The following TMEFF1 variants were observed in gnomAD, a reference collection of about 807,000 sequenced individuals.
TMEFF1 encodes transmembrane protein with EGF like and two follistatin like domains 1, also known as tomoregulin-1.
Under a neutral mutation model 47.5 loss-of-function variants are expected in TMEFF1, and 20 were observed. The ratio of observed to expected loss-of-function variants is 0.42; its 90% CI spans 0.30 to 0.61. The LOEUF (loss-of-function observed/expected upper bound fraction) is 0.61. TMEFF1 is among the 20% of genes least tolerant of loss of function. The probability of loss-of-function intolerance (pLI) is 0.19; values close to 1 mark genes in which losing one functional copy is unlikely to be tolerated. For synonymous variants in TMEFF1, 162 were observed against 166.3 expected (o/e 0.97, Z 0.20); for missense variants, 411 against 471.1 (o/e 0.87, Z 1.18).
chr9:100,532,916 T>A (rs1360468532), intron 5 of TMEFF1, among the ~76,000 whole-genome samples: 3 of 151,952 alleles, frequency 2.0e-5, no homozygotes, highest in Non-Finnish European at 2.9e-5. Context: ...CCATAAAAAA[T>A]GATGAGTTCA....
intron 3 of TMEFF1, among the ~76,000 whole-genome samples, chr9:100,511,332 A>C (rs1007020132): frequency 5.3e-5 from 8 of 152,188 alleles, no homozygotes; most frequent in Non-Finnish European, 1.2e-4. Flanking sequence ...GATTGGGAGC[A>C]CTGTGCTAGG....
chr9:100,559,189 A>T (rs1453729861), intron 7 of TMEFF1, among the ~76,000 whole-genome samples: 1 of 152,198 alleles, frequency 6.6e-6, no homozygotes, highest in Non-Finnish European at 1.5e-5. Context: ...AACAGGCAGT[A>T]TTGTGAGTGT....
At chr9:100,570,313 A>T (rs892794785) in intron 8 of TMEFF1, among the ~76,000 whole-genome samples, 1 of 152,176 alleles carries the variant, frequency 6.6e-6, no homozygotes, top group Non-Finnish European at 1.5e-5. Context: ...AGATTGCTGG[A>T]TCATATGGTA....
chr9:100,474,533 G>A (rs980016720), intron 1 of TMEFF1, among the ~76,000 whole-genome samples: 1 of 152,028 alleles, frequency 6.6e-6, no homozygotes, highest in African/African-American at 2.4e-5. Flanking sequence ...GCCCTATAGC[G>A]AACCCCATTT....
chr9:100,520,699 CAT>C (rs1329484979), intron 5 of TMEFF1, among the ~76,000 whole-genome samples: 1 of 152,168 alleles, frequency 6.6e-6, no homozygotes, highest in Non-Finnish European at 1.5e-5. Flanking sequence ...ATTTTTTACA[CAT>C]AATATATTTT....
At chr9:100,535,959 AT>A (rs1240632256) in intron 5 of TMEFF1, among the ~76,000 whole-genome samples, 5 of 151,928 alleles carry the variant, frequency 3.3e-5, no homozygotes, top group Non-Finnish European at 7.4e-5. Flanking sequence ...TGTTTTTATT[AT>A]ATTACTCCTT....
Position 100,566,432 on chromosome 9 carries a change from G to A in TMEFF1, c.899+4912G>A, listed in dbSNP as rs115382763. On this transcript the variant is annotated intron_variant, in intron 8 of 9. Transcript: ENST00000374879. ...CTCCCTCCCTAAACCTGCTTTACCT[G>A]CCACCTTCTTCATCTCAGTTGATTC... Among the ~76,000 whole-genome samples, 600 of 152,252 alleles carry A rather than the reference G, an allele frequency of 3.9e-3. 5 individuals carry two copies. The highest frequency in any genetic ancestry group is 0.014 in the African/African-American group (562 of 41,550).
At chr9:100,518,508 A>G in intron 5 of TMEFF1, 1 of 985,482 alleles carries the variant, frequency 1.0e-6, no homozygotes, top group Non-Finnish European at 1.2e-6. Flanking sequence ...CAGCAGGCTA[A>G]GGAGCACATA....
intron 7 of TMEFF1, among the ~76,000 whole-genome samples, chr9:100,557,944 T>C (rs563316319): frequency 6.6e-6 from 1 of 152,214 alleles, no homozygotes; most frequent in Non-Finnish European, 1.5e-5. Context: ...AATATTAGAC[T>C]CTGTGAATTC....
intron 1 of TMEFF1, among the ~76,000 whole-genome samples, chr9:100,477,831 T>C (rs1837264711): frequency 6.6e-6 from 1 of 152,122 alleles, no homozygotes; most frequent in South Asian, 2.1e-4. Flanking sequence ...TTCACTGTGT[T>C]GCCCATTCTG....
chr9:100,543,514 G>T (rs1276361197), intron 5 of TMEFF1, among the ~76,000 whole-genome samples: 1 of 151,864 alleles, frequency 6.6e-6, no homozygotes, highest in Non-Finnish European at 1.5e-5. Context: ...TCTCAGAATT[G>T]TATCTGTGGA....
intron 1 of TMEFF1, among the ~76,000 whole-genome samples, chr9:100,491,134 G>A (rs1002635300): frequency 4.0e-5 from 6 of 151,714 alleles, no homozygotes; most frequent in Non-Finnish European, 7.4e-5. Flanking sequence ...TTCCATAGTT[G>A]TACCACACCA....
rs1439319163 is a variant in TMEFF1, at chr9:100,473,611, T to C, written c.67T>C (p.Tyr23His). The C allele has an allele frequency of 6.4e-7, 1 of 1,558,832 alleles. No homozygotes were observed. The highest frequency in any genetic ancestry group is 1.4e-5 in the African/African-American group (1 of 72,914). The change falls in exon 1 of 10, where the codon TAC becomes CAC. Residue 23 changes from tyrosine to histidine, a missense_variant. Transcript: ENST00000374879. The surrounding 1 kb of genome is among the most constrained non-coding windows in gnomAD (Gnocchi z 5.4). ...PAAPPLAFCC[Y>H]TSVLLLFAFS... ...CGCGCCTCCGCTCGCCTTCTGCTGC[T>C]ACACGTCGGTGCTTCTGCTCTTCGC...
At chr9:100,486,522 G>A (rs570129895) in intron 1 of TMEFF1, among the ~76,000 whole-genome samples, 2 of 152,304 alleles carry the variant, frequency 1.3e-5, no homozygotes, top group Admixed American at 6.5e-5. Flanking sequence ...GATTACAGGC[G>A]TGAGCCACAG....
At chr9:100,569,358 A>G (rs1398459453) in intron 8 of TMEFF1, among the ~76,000 whole-genome samples, 1 of 152,154 alleles carries the variant, frequency 6.6e-6, no homozygotes, top group Non-Finnish European at 1.5e-5. Flanking sequence ...CTCTGGAGAA[A>G]TGTCAGTACA....
At chr9:100,529,547 C>T (rs1459512244) in intron 5 of TMEFF1, among the ~76,000 whole-genome samples, 2 of 151,142 alleles carry the variant, frequency 1.3e-5, no homozygotes, top group Non-Finnish European at 3.0e-5. Flanking sequence ...GCTAACTATC[C>T]TAAATATATA....
Position 100,550,108 on chromosome 9 carries a change from T to A in TMEFF1, c.723T>A (p.Thr241=). The part of the protein sequence containing the change: ...HLGHCTDTDD[T]SLLGKKDDGL... Reference sequence around the variant, plus strand: ...CTTCTCTTACAGATACAGATGACACTAGTTTGTTGGGAAAGAAAGATGATG... The same window carrying A: ...CTTCTCTTACAGATACAGATGACACAAGTTTGTTGGGAAAGAAAGATGATG... The change falls in exon 7 of 10, where the codon ACT becomes ACA. Residue 241 remains threonine, a synonymous_variant. Coordinates refer to ENST00000374879, the MANE Select transcript of TMEFF1 (RefSeq NM_003692.5). The A allele has an allele frequency of 6.2e-7, 1 of 1,611,470 alleles. No homozygotes were observed. The highest frequency in any genetic ancestry group is 8.5e-7 in the Non-Finnish European group (1 of 1,179,000).
At chr9:100,569,259 G>A in intron 8 of TMEFF1, among the ~76,000 whole-genome samples, 1 of 152,128 alleles carries the variant, frequency 6.6e-6, no homozygotes, top group Non-Finnish European at 1.5e-5. Flanking sequence ...TGTAAAAACT[G>A]GCATATACGG....
At chr9:100,527,585 G>C (rs1224486242) in intron 5 of TMEFF1, among the ~76,000 whole-genome samples, 1 of 152,180 alleles carries the variant, frequency 6.6e-6, no homozygotes, top group South Asian at 2.1e-4. Flanking sequence ...GGCTCGGGGG[G>C]TCCTACACCC....
Sources: allele counts gnomAD v4.1 joint callset (sites outside exome capture counted in the v4.1 genomes callset), GRCh38; gene constraint gnomAD v4.1.1; non-coding constraint Gnocchi (gnomAD v3.1); transcripts MANE v1.5; gene names NCBI Gene and HGNC (gene_info 2026-07-23, HGNC 2026-07-21).